The following FHIT variants were observed in gnomAD, a reference collection of about 807,000 sequenced individuals.
FHIT encodes the protein bis(5'-adenosyl)-triphosphatase.
A neutral mutation model predicts 17.9 loss-of-function variants in FHIT; 19 were observed. That is an observed-to-expected ratio of 1.06 (90% CI 0.74 to 1.56). The LOEUF (loss-of-function observed/expected upper bound fraction) is 1.56, where lower values mean the gene tolerates loss of function less well. Ranked by LOEUF, FHIT falls within the 40% of genes most tolerant of loss-of-function variation. The pLI, the probability that FHIT is intolerant of heterozygous loss-of-function variation, is 0.00. For synonymous variants in FHIT, 81 were observed against 69.7 expected (o/e 1.16, Z -0.81); for missense variants, 248 against 189.2 (o/e 1.31, Z -1.82).
At chr3:60,339,597 T>C (rs1293597743) in intron 5 of FHIT, among the ~76,000 whole-genome samples, 2 of 152,204 alleles carry the variant, frequency 1.3e-5, no homozygotes, top group African/African-American at 2.4e-5. Flanking sequence ...CCTCTAGAAT[T>C]TTATTTCCTG....
chr3:59,831,485 C>T (rs528530696), intron 8 of FHIT, among the ~76,000 whole-genome samples: 69 of 152,196 alleles, frequency 4.5e-4, no homozygotes, highest in African/African-American at 1.7e-3. Context: ...GAAATAGAAG[C>T]CAAGCAGTTT....
intron 3 of FHIT, among the ~76,000 whole-genome samples, chr3:60,954,031 T>C (rs1164421573): frequency 6.6e-6 from 1 of 152,216 alleles, no homozygotes; most frequent in Non-Finnish European, 1.5e-5. Flanking sequence ...ACCCTAATTA[T>C]GTAAATCTGC....
At chr3:61,085,146 TTTTCA>T (rs1325153759) in intron 2 of FHIT, among the ~76,000 whole-genome samples, 2 of 152,114 alleles carry the variant, frequency 1.3e-5, no homozygotes, top group East Asian at 3.8e-4. Flanking sequence ...TCTCCACAAG[TTTTCA>T]TTTCAAGACC....
At chr3:60,628,048 T>C (rs781851320) in intron 4 of FHIT, among the ~76,000 whole-genome samples, 4 of 152,214 alleles carry the variant, frequency 2.6e-5, no homozygotes, top group Non-Finnish European at 4.4e-5. Context: ...GAAACATAGG[T>C]TACTGATTTG....
At chr3:60,797,455 CAGTAGT>C (rs59090057) in intron 4 of FHIT, among the ~76,000 whole-genome samples, 1,731 of 148,096 alleles carry the variant, frequency 0.012, 40 homozygotes, top group African/African-American at 0.041. Context: ...AAAGAAATTG[CAGTAGT>C]AGTAGTAGTA....
intron 5 of FHIT, among the ~76,000 whole-genome samples, chr3:60,187,002 G>C (rs189683539): frequency 2.6e-5 from 4 of 152,066 alleles, no homozygotes; most frequent in Admixed American, 2.6e-4. Context: ...GTAGAGTGTT[G>C]AGGCCTATTT....
chr3:60,395,285 C>T (rs1400321023), intron 5 of FHIT, among the ~76,000 whole-genome samples: 1 of 152,122 alleles, frequency 6.6e-6, no homozygotes, highest in Non-Finnish European at 1.5e-5. Flanking sequence ...TTTCTATGTT[C>T]TAGGAGCTGT....
chr3:60,413,027 T>G (rs1702120345), intron 5 of FHIT, among the ~76,000 whole-genome samples: 1 of 152,142 alleles, frequency 6.6e-6, no homozygotes. Context: ...CCCTTTTTCT[T>G]TACAGATTAC....
At chr3:60,305,128 G>T (rs991313988) in intron 5 of FHIT, among the ~76,000 whole-genome samples, 4 of 151,284 alleles carry the variant, frequency 2.6e-5, no homozygotes, top group Non-Finnish European at 5.9e-5. Context: ...ATTCCTTTTT[G>T]TTCTTTTTTT....
chr3:60,452,798 T>A (rs1374990949), intron 5 of FHIT, among the ~76,000 whole-genome samples: 1 of 152,176 alleles, frequency 6.6e-6, no homozygotes, highest in Non-Finnish European at 1.5e-5. Context: ...GAGTTATTAT[T>A]TTTCCAGGTT....
rs146890980 is a variant in FHIT, at chr3:59,967,592, T to C, written c.279+43779A>G. On this transcript the variant is annotated intron_variant, in intron 7 of 9. Transcript: ENST00000492590. The stretch of plus-strand genomic sequence containing the variant: ...GACTACTATAACCTTACAAGCTTGA[T>C]AAAAGGCAGGTAAAATTCTAAAATG... 3.8e-3 allele frequency among the ~76,000 whole-genome samples: 576 copies of C among 152,248 alleles called. 1 individual carries two copies. Among genetic ancestry groups the C allele is most frequent in the Non-Finnish European group, 4.8e-3 (326 of 68,012 alleles).
chr3:61,098,025 G>C (rs1333524744), intron 2 of FHIT, among the ~76,000 whole-genome samples: 1 of 152,086 alleles, frequency 6.6e-6, no homozygotes, highest in Non-Finnish European at 1.5e-5. Context: ...ATCTTTGCCT[G>C]TTCCTATGTC....
At chr3:60,878,746 T>G (rs1209931003) in intron 3 of FHIT, among the ~76,000 whole-genome samples, 1 of 152,094 alleles carries the variant, frequency 6.6e-6, no homozygotes, top group Admixed American at 6.6e-5. Flanking sequence ...GGTGTTTGGT[T>G]TTTTGTCCTT....
intron 5 of FHIT, among the ~76,000 whole-genome samples, chr3:60,059,047 G>C (rs75234562): frequency 6.6e-6 from 1 of 152,148 alleles, no homozygotes; most frequent in Non-Finnish European, 1.5e-5. Context: ...GTAGTCAGGC[G>C]TGATGGGGCA....
intron 5 of FHIT, among the ~76,000 whole-genome samples, chr3:60,150,478 T>G (rs971491621): frequency 1.3e-5 from 2 of 152,220 alleles, no homozygotes; most frequent in African/African-American, 4.8e-5. Context: ...GGTTACTTTT[T>G]GATACTTATG....
At chr3:61,096,183 G>A (rs1330603536) in intron 2 of FHIT, among the ~76,000 whole-genome samples, 1 of 152,188 alleles carries the variant, frequency 6.6e-6, no homozygotes, top group African/African-American at 2.4e-5. Context: ...AAATGATGCT[G>A]TGCAAGGAAG....
intron 3 of FHIT, among the ~76,000 whole-genome samples, chr3:61,028,733 T>C (rs1444440833): frequency 1.3e-5 from 2 of 152,100 alleles, no homozygotes; most frequent in African/African-American, 4.8e-5. Flanking sequence ...CAGTGCCCCA[T>C]AATTCAAAAG....
intron 5 of FHIT, among the ~76,000 whole-genome samples, chr3:60,521,501 C>A (rs2035365370): frequency 6.6e-6 from 1 of 152,160 alleles, no homozygotes; most frequent in South Asian, 2.1e-4. Context: ...CCCACCTCGG[C>A]CTCCCAAAGT....
intron 5 of FHIT, among the ~76,000 whole-genome samples, chr3:60,197,225 C>T (rs1702687336): frequency 6.6e-6 from 1 of 152,104 alleles, no homozygotes; most frequent in African/African-American, 2.4e-5. Flanking sequence ...CCACATGTGG[C>T]TCTTGTCAAT....
Sources: allele counts gnomAD v4.1 joint callset (sites outside exome capture counted in the v4.1 genomes callset), GRCh38; gene constraint gnomAD v4.1.1; transcripts MANE v1.5; gene names NCBI Gene and HGNC (gene_info 2026-07-23, HGNC 2026-07-21).